Variants in CEP41 observed in about 807,000 individuals in gnomAD.
The protein encoded by CEP41 is centrosomal protein of 41 kDa.
Under a neutral mutation model 44.3 loss-of-function variants are expected in CEP41, and 32 were observed. That is an observed-to-expected ratio of 0.72 (90% CI 0.54 to 0.97). The LOEUF is 0.97. Ranked by LOEUF, CEP41 falls within the 50% of genes least tolerant of loss-of-function variation. The pLI, the probability that CEP41 is intolerant of heterozygous loss-of-function variation, is 0.00. For missense variants in CEP41, 432 were observed against 455.2 expected (o/e 0.95, Z 0.46); for synonymous variants, 151 against 168.5 (o/e 0.90, Z 0.80).
chr7:130,420,939 C>T, intron 2 of CEP41: 1 of 982,958 alleles, frequency 1.0e-6, no homozygotes, highest in Non-Finnish European at 1.2e-6. Flanking sequence ...CTATGTACAA[C>T]TTGACTTATA....
intron 1 of CEP41, among the ~76,000 whole-genome samples, chr7:130,430,432 CT>C (rs1211479217): frequency 1.3e-5 from 2 of 152,148 alleles, no homozygotes; most frequent in African/African-American, 4.8e-5. Flanking sequence ...AACCACTGAG[CT>C]ATTTTATCCT....
At chr7:130,436,019 T>G (rs1797951034) in intron 1 of CEP41, among the ~76,000 whole-genome samples, 1 of 151,910 alleles carries the variant, frequency 6.6e-6, no homozygotes, top group Admixed American at 6.6e-5. Context: ...CCGGGCACAG[T>G]GGTAGGAAGC....
intron 9 of CEP41, 145 bp downstream of exon 9, chr7:130,400,562 C>A: frequency 2.9e-6 from 2 of 701,412 alleles, no homozygotes; most frequent in South Asian, 3.2e-5. Context: ...GGAAGTTTCA[C>A]ATAACTCCTG....
intron 1 of CEP41, among the ~76,000 whole-genome samples, chr7:130,439,442 C>T (rs886448646): frequency 2.0e-5 from 3 of 151,884 alleles, no homozygotes; most frequent in Admixed American, 6.6e-5. Context: ...CTATAGTCAC[C>T]ATGCTGTGCC....
At chr7:130,437,759 T>A (rs138191882) in intron 1 of CEP41, among the ~76,000 whole-genome samples, 765 of 72,756 alleles carry the variant, frequency 0.011, 9 homozygotes, top group African/African-American at 0.04. Flanking sequence ...AAAGCAAGAC[T>A]GTCTCAAAAA....
intron 3 of CEP41, among the ~76,000 whole-genome samples, chr7:130,413,117 G>A (rs574392875): frequency 2.0e-5 from 3 of 152,034 alleles, no homozygotes; most frequent in South Asian, 2.1e-4. Flanking sequence ...TCAGCCTCCC[G>A]AGTAGCTGGG....
intron 1 of CEP41, among the ~76,000 whole-genome samples, chr7:130,436,212 A>G (rs1345959063): frequency 2.0e-5 from 3 of 152,124 alleles, no homozygotes; most frequent in Non-Finnish European, 4.4e-5. Flanking sequence ...CAGAATACTG[A>G]TCAGGTACCA....
rs146869968 is a variant in CEP41, at chr7:130,440,144, C to A, written c.33+790G>T. The stretch of plus-strand genomic sequence containing the variant: ...AAGCGATTCTCCTGCCTCAGCCTAC[C>A]GAGTAGCTGGGATTACAGGCGCCTC... On this transcript the variant is annotated intron_variant, in intron 1 of 10. Coordinates refer to ENST00000223208, the MANE Select transcript of CEP41 (RefSeq NM_018718.3). Among the ~76,000 whole-genome samples, 448 of 152,242 alleles carry A rather than the reference C, an allele frequency of 2.9e-3. 2 individuals are homozygous for A. Among genetic ancestry groups the A allele is most frequent in the African/African-American group, 9.1e-3 (379 of 41,538 alleles).
At chr7:130,423,088 A>T (rs1797557648) in intron 2 of CEP41, among the ~76,000 whole-genome samples, 1 of 152,138 alleles carries the variant, frequency 6.6e-6, no homozygotes, top group African/African-American at 2.4e-5. Flanking sequence ...CTGGGACTAC[A>T]GGTGCACGCT....
rs1340655876 is a variant in CEP41 at position 130,396,631 on chromosome 7, G to T, written c.*2260C>A. ...GTCAATTAATCTAATGAAGAAACTG[G>T]CAAAGTAGAATGTTAAAAGCAATAC... On this transcript the variant is annotated 3_prime_UTR_variant, in exon 11 of 11. Transcript: ENST00000223208. 2.2e-6 allele frequency: 1 copy of T among 454,482 alleles called. No individual in the cohort carries two copies. Among genetic ancestry groups the T allele is most frequent in the South Asian group, 1.6e-5 (1 of 64,472 alleles). The allele number at this position is 454,482 out of a possible 1,614,324, so 28.2% of individuals were successfully genotyped here.
chr7:130,434,015 T>G (rs991641255), intron 1 of CEP41, among the ~76,000 whole-genome samples: 3 of 152,206 alleles, frequency 2.0e-5, no homozygotes, highest in African/African-American at 7.2e-5. Flanking sequence ...GAATGGACAC[T>G]GGAGCTATGT....
chr7:130,439,706 G>A (rs1210708285), intron 1 of CEP41, among the ~76,000 whole-genome samples: 5 of 152,128 alleles, frequency 3.3e-5, no homozygotes, highest in Non-Finnish European at 7.3e-5. Context: ...CTAGTACCAG[G>A]CAGCCACCAA....
In CEP41 at chr7:130,421,400, G is replaced by C. The variant is rs1031846175; in HGVS notation, c.98-4434C>G. 3 of 985,454 alleles carry C rather than the reference G, an allele frequency of 3.0e-6. No homozygotes were observed. The East Asian group carries it at 3.4e-4, about 112-fold the overall frequency. 61.0% of individuals were successfully genotyped at this position (985,454 alleles called of 1,614,324 possible). On this transcript the variant is annotated intron_variant, in intron 2 of 10. Coordinates refer to ENST00000223208, the MANE Select transcript of CEP41 (RefSeq NM_018718.3). ...CTTGGAAGAGCAGAAAGCATGAAAA[G>C]AGGCACAGTGGTCCTTTGTTAACCT...
intron 1 of CEP41, among the ~76,000 whole-genome samples, chr7:130,439,554 G>A (rs557966299): frequency 7.9e-5 from 12 of 151,978 alleles, no homozygotes; most frequent in African/African-American, 2.9e-4. Flanking sequence ...CCAGGCTCTG[G>A]TAACCACCAT....
chr7:130,421,202 C>T (rs1797498176), intron 2 of CEP41: 1 of 985,116 alleles, frequency 1.0e-6, no homozygotes, highest in Non-Finnish European at 1.2e-6. Context: ...CCATTGTTTT[C>T]CTATAATTTA....
chr7:130,395,004 G>A lies in CEP41; in HGVS notation c.*3887C>T, dbSNP rs62471754. 3.3e-5 allele frequency: 15 copies of A among 453,886 alleles called. No individual in the cohort carries two copies. The highest frequency in any genetic ancestry group is 6.2e-5 in the Non-Finnish European group (14 of 226,772). 28.1% of individuals were successfully genotyped at this position (453,886 alleles called of 1,614,324 possible). ...AAGAGGATCAGCAACAGAGAGGGGA[G>A]CCATCAGGGGATCACAATGTGACAG... is the stretch of plus-strand genomic sequence containing the variant. On this transcript the variant is annotated 3_prime_UTR_variant, in exon 11 of 11. Transcript: ENST00000223208.
intron 2 of CEP41, chr7:130,419,231 GTTC>G: frequency 1.0e-6 from 1 of 985,330 alleles, no homozygotes; most frequent in Non-Finnish European, 1.2e-6. Context: ...CTACTGATGA[GTTC>G]TTTTCACTAT....
intron 6 of CEP41, among the ~76,000 whole-genome samples, chr7:130,403,731 A>G (rs1796923070): frequency 6.6e-6 from 1 of 152,244 alleles, no homozygotes; most frequent in African/African-American, 2.4e-5. Context: ...TATAGTGCAT[A>G]TTTTGTTGAA....
At position 130,398,922 on chromosome 7, in the gene CEP41, C is replaced by T; in HGVS notation, c.1091G>A (p.Ser364Asn). The T allele has an allele frequency of 1.2e-6, 2 of 1,614,266 alleles. No individual in the cohort carries two copies. The highest frequency in any genetic ancestry group is 1.7e-6 in the Non-Finnish European group (2 of 1,180,042). ...CCAGGGTTTGCCTTGCAGGTGACCA[C>T]TGCTGAGGGAGCGGGGGTTTGAGTG... is the stretch of plus-strand genomic sequence containing the variant. ...ASHSNPRSLS[S>N]GHLQGKPWK The change falls in exon 11 of 11, where the codon AGT (serine) becomes AAT (asparagine). Residue 364 changes from serine (S) to asparagine (N), a missense_variant. By Grantham distance (46) the Ser-to-Asn change is conservative. Coordinates refer to ENST00000223208, the MANE Select transcript of CEP41 (RefSeq NM_018718.3).
Sources: allele counts gnomAD v4.1 joint callset (sites outside exome capture counted in the v4.1 genomes callset), GRCh38; gene constraint gnomAD v4.1.1; transcripts MANE v1.5; gene names NCBI Gene and HGNC (gene_info 2026-07-23, HGNC 2026-07-21).